ELOVL5: variants seen among roughly 807,000 people sequenced by gnomAD.
The protein encoded by ELOVL5 is very long chain fatty acid elongase 5.
A neutral mutation model predicts 38.6 loss-of-function variants in ELOVL5; 8 were observed. That is an observed-to-expected ratio of 0.21 (90% confidence interval 0.12 to 0.37). The LOEUF (loss-of-function observed/expected upper bound fraction) is 0.37. ELOVL5 is among the 10% of genes least tolerant of loss of function. The probability of loss-of-function intolerance (pLI) is 1.00; values close to 1 mark genes in which losing one functional copy is unlikely to be tolerated. For synonymous variants in ELOVL5, 127 were observed against 133.7 expected (o/e 0.95, Z 0.34); for missense variants, 280 against 367.8 (o/e 0.76, Z 1.95).
chr6:53,335,995 TAA>T (rs1262693111), intron 1 of ELOVL5, among the ~76,000 whole-genome samples: 1 of 152,200 alleles, frequency 6.6e-6, no homozygotes, highest in African/African-American at 2.4e-5. Context: ...CTGCCTTTCA[TAA>T]GAGATACACA....
intron 1 of ELOVL5, among the ~76,000 whole-genome samples, chr6:53,321,752 G>A (rs906488561): frequency 6.6e-6 from 1 of 152,052 alleles, no homozygotes; most frequent in African/African-American, 2.4e-5. Flanking sequence ...AAATCATACC[G>A]AAATTCCAAC....
chr6:53,325,232 T>A (rs9370195), intron 1 of ELOVL5, among the ~76,000 whole-genome samples: 49,904 of 152,008 alleles, frequency 0.33, 8,562 homozygotes, highest in African/African-American at 0.43. Context: ...AGATGTCCTA[T>A]CCAAGGACAG....
At chr6:53,312,355 T>C (rs1767878780) in intron 1 of ELOVL5, among the ~76,000 whole-genome samples, 1 of 152,240 alleles carries the variant, frequency 6.6e-6, no homozygotes, top group African/African-American at 2.4e-5. Flanking sequence ...CCACGGAACG[T>C]TACTCAGCAA....
chr6:53,337,445 G>A (rs917819542), intron 1 of ELOVL5: 3 of 152,186 alleles, frequency 2.0e-5, no homozygotes, highest in African/African-American at 7.2e-5. Flanking sequence ...TGTATGGTCT[G>A]AGAGCTGCTG....
intron 1 of ELOVL5, among the ~76,000 whole-genome samples, chr6:53,299,272 A>G (rs1233111020): frequency 6.6e-6 from 1 of 152,246 alleles, no homozygotes; most frequent in Non-Finnish European, 1.5e-5. Flanking sequence ...TATGTCTAAC[A>G]AAAATAAGGG....
intron 5 of ELOVL5, 132 bp from the exon 6 acceptor site, chr6:53,273,476 C>G (rs2127566516): frequency 1.3e-6 from 1 of 791,400 alleles, no homozygotes; most frequent in East Asian, 2.8e-5. Context: ...CTGACAAACA[C>G]TGCAACAGCA....
chr6:53,318,430 T>C (rs1768145594), intron 1 of ELOVL5, among the ~76,000 whole-genome samples: 1 of 152,250 alleles, frequency 6.6e-6, no homozygotes, highest in Admixed American at 6.5e-5. Flanking sequence ...GCATTTAGCA[T>C]GGAGCTTTGC....
At chr6:53,345,039 T>G (rs1171335153) in intron 1 of ELOVL5, among the ~76,000 whole-genome samples, 2 of 152,190 alleles carry the variant, frequency 1.3e-5, no homozygotes, top group Admixed American at 1.3e-4. Flanking sequence ...TGAGGAGATT[T>G]AACTTCACTT....
At chr6:53,280,447 T>G (rs1488229794) in intron 3 of ELOVL5, among the ~76,000 whole-genome samples, 1 of 152,230 alleles carries the variant, frequency 6.6e-6, no homozygotes, top group Non-Finnish European at 1.5e-5. Context: ...CAAGAGGATG[T>G]GCAGAGCTAT....
rs80331047 is a variant in ELOVL5 at position 53,314,189 on chromosome 6, G to A, written c.-8-18482C>T. On this transcript the variant is annotated intron_variant, in intron 1 of 7. Transcript: ENST00000304434. ...AACTGCAAGGATTTTAGCAAGTCATGTTAATGTAACTGAATATTCCGACTG... is the reference window on the plus strand; with the variant it reads ...AACTGCAAGGATTTTAGCAAGTCATATTAATGTAACTGAATATTCCGACTG... Among the ~76,000 whole-genome samples, 76 of 152,350 alleles carry A rather than the reference G, an allele frequency of 5.0e-4. 1 individual carries two copies. Among genetic ancestry groups the A allele is most frequent in the African/African-American group, 1.7e-3 (70 of 41,592 alleles).
intron 1 of ELOVL5, among the ~76,000 whole-genome samples, chr6:53,326,447 G>C (rs949937663): frequency 6.6e-6 from 1 of 151,944 alleles, no homozygotes; most frequent in Non-Finnish European, 1.5e-5. Flanking sequence ...CCCAACTTCT[G>C]CCGTCCCCTC....
chr6:53,297,558 G>T (rs1476867855), intron 1 of ELOVL5, among the ~76,000 whole-genome samples: 1 of 152,090 alleles, frequency 6.6e-6, no homozygotes, highest in African/African-American at 2.4e-5. Context: ...CAGATCAACT[G>T]CCTCAGGATC....
chr6:53,348,519 G>C (rs1056576194), intron 1 of ELOVL5, among the ~76,000 whole-genome samples: 1 of 152,204 alleles, frequency 6.6e-6, no homozygotes, highest in African/African-American at 2.4e-5. Flanking sequence ...AGCGCGCACA[G>C]GTGGGACCGC....
Position 53,348,895 on chromosome 6 carries a change from G to T in ELOVL5, c.-87C>A. On this transcript the variant is annotated 5_prime_UTR_variant, in exon 1 of 8. Transcript: ENST00000304434. Reference sequence around the variant, plus strand: ...GGAGGGAGCGCGGGTGGCAGCCGGCGCAGAGGCGGATGTAGAAGGAGACAC... The same window carrying T: ...GGAGGGAGCGCGGGTGGCAGCCGGCTCAGAGGCGGATGTAGAAGGAGACAC... The T allele has an allele frequency of 2.2e-6, 1 of 453,498 alleles. No individual in the cohort carries two copies. Among genetic ancestry groups the T allele is most frequent in the Non-Finnish European group, 4.4e-6 (1 of 225,672 alleles). The allele number at this position is 453,498 out of a possible 1,614,324, so 28.1% of individuals were successfully genotyped here. A position where few individuals can be genotyped will look rare whatever the true frequency, so the allele number is the denominator to read the frequency against.
At chr6:53,299,122 G>C (rs539264364) in intron 1 of ELOVL5, among the ~76,000 whole-genome samples, 1 of 152,184 alleles carries the variant, frequency 6.6e-6, no homozygotes, top group Non-Finnish European at 1.5e-5. Context: ...AAAGGATCCA[G>C]ATATAGTAAA....
At chr6:53,272,920 ATACACACAT>A in intron 6 of ELOVL5, among the ~76,000 whole-genome samples, 1 of 68,412 alleles carries the variant, frequency 1.5e-5, no homozygotes, top group Middle Eastern at 9.6e-3. Context: ...ACACACACAT[ATACACACAT>A]ACATGCATAT....
chr6:53,330,023 G>A (rs1314860869), intron 1 of ELOVL5, among the ~76,000 whole-genome samples: 2 of 152,042 alleles, frequency 1.3e-5, no homozygotes, highest in Non-Finnish European at 1.5e-5. Context: ...CTACAGACGC[G>A]TCACTTAACA....
In ELOVL5 at chr6:53,327,188, C is replaced by A. The variant is rs1317823249; in HGVS notation, c.-9+21629G>T. 4.6e-5 allele frequency among the ~76,000 whole-genome samples: 7 copies of A among 152,274 alleles called. No homozygotes were observed. In the South Asian group the frequency reaches 1.5e-3, roughly 32 times the overall value. The stretch of plus-strand genomic sequence containing the variant: ...GCAATCTGCCATCACCAAAGCAGAT[C>A]TTTGTCCCCACCCTCCTTACTCAGG... On this transcript the variant is annotated intron_variant, in intron 1 of 7. Transcript: ENST00000304434.
intron 1 of ELOVL5, among the ~76,000 whole-genome samples, chr6:53,301,775 C>T (rs1370790550): frequency 1.3e-5 from 2 of 152,176 alleles, no homozygotes; most frequent in Admixed American, 6.5e-5. Flanking sequence ...TTCCAAAAGA[C>T]ACTCCTAATT....
Sources: allele counts gnomAD v4.1 joint callset (sites outside exome capture counted in the v4.1 genomes callset), GRCh38; gene constraint gnomAD v4.1.1; transcripts MANE v1.5; gene names NCBI Gene and HGNC (gene_info 2026-07-23, HGNC 2026-07-21).